The following AOPEP variants were observed in gnomAD, a reference collection of about 807,000 sequenced individuals.
AOPEP encodes aminopeptidase O.
A neutral mutation model predicts 98.1 loss-of-function variants in AOPEP; 77 were observed. The observed-to-expected ratio is 0.78, with a 90% CI of 0.65 to 0.95. AOPEP has a LOEUF of 0.95. Ranked by LOEUF, AOPEP falls within the 40% of genes least tolerant of loss-of-function variation. The pLI is 0.00. For synonymous variants in AOPEP, 346 were observed against 365.3 expected (o/e 0.95, Z 0.60); for missense variants, 1,024 against 1,024.7 (o/e 1.00, Z 0.01).
the AOPEP span, chr9:95,101,214 C>A: frequency 3.9e-6 from 1 of 256,134 alleles, no homozygotes; most frequent in Non-Finnish European, 7.7e-6. Context: ...CCTGACTCCC[C>A]TTGAAGAATT....
the AOPEP span, among the ~76,000 whole-genome samples, chr9:95,123,148 T>A: frequency 6.6e-6 from 1 of 151,184 alleles, no homozygotes; most frequent in Non-Finnish European, 1.5e-5. Flanking sequence ...AAAAAAAATT[T>A]AAAAATTAGC....
At chr9:95,098,157 C>T in the AOPEP span, among the ~76,000 whole-genome samples, 99 of 152,264 alleles carry the variant, frequency 6.5e-4, no homozygotes, top group African/African-American at 1.7e-3. Flanking sequence ...CCAGTGCATC[C>T]GCCGTCCTCT....
intron 5 of AOPEP, chr9:94,904,058 C>G (rs2050799838): frequency 6.6e-6 from 1 of 151,724 alleles, no homozygotes; most frequent in Non-Finnish European, 1.5e-5. Flanking sequence ...CATACCGTAA[C>G]TACTCAATTT....
At chr9:94,968,995 A>G (rs2059374028) in intron 10 of AOPEP, among the ~76,000 whole-genome samples, 3 of 152,196 alleles carry the variant, frequency 2.0e-5, no homozygotes, top group Admixed American at 1.3e-4. Context: ...AATACCAACA[A>G]GAGGACCAAG....
intron 5 of AOPEP, among the ~76,000 whole-genome samples, chr9:94,878,195 G>A (rs2047185574): frequency 6.6e-6 from 1 of 150,824 alleles, no homozygotes. Context: ...AAAAGCACAA[G>A]GCTTTCATAA....
intron 13 of AOPEP, among the ~76,000 whole-genome samples, chr9:95,051,615 A>C (rs1041277088): frequency 1.3e-5 from 2 of 152,106 alleles, no homozygotes; most frequent in African/African-American, 4.8e-5. Flanking sequence ...GTTTGTTATA[A>C]TTAAAGAGGC....
chr9:94,847,174 TC>T (rs1254554065), intron 5 of AOPEP, among the ~76,000 whole-genome samples: 15 of 151,252 alleles, frequency 9.9e-5, no homozygotes, highest in African/African-American at 3.6e-4. Context: ...TCTCTCTCTC[TC>T]TCTCTGTCTC....
chr9:94,934,359 C>T (rs2055917336), intron 7 of AOPEP, among the ~76,000 whole-genome samples: 1 of 142,616 alleles, frequency 7.0e-6, no homozygotes. Context: ...CTCTATTGCC[C>T]AGGCTGGAGT....
At chr9:95,143,620 C>A in the AOPEP span, among the ~76,000 whole-genome samples, 1 of 152,204 alleles carries the variant, frequency 6.6e-6, no homozygotes, top group Non-Finnish European at 1.5e-5. Flanking sequence ...TGCCTTCATT[C>A]TTTTTTTCAC....
In AOPEP at chr9:94,983,865, G is replaced by A. The variant is rs1045723395; in HGVS notation, c.1977+4438G>A. Among the ~76,000 whole-genome samples the A allele has an allele frequency of 1.8e-4, 9 of 51,014 alleles. No individual in the cohort carries two copies. In the Admixed American group the frequency reaches 2.1e-3, roughly 12 times the overall value. 33.5% of individuals were successfully genotyped at this position (51,014 alleles called of 152,430 possible). A position where few individuals can be genotyped will look rare whatever the true frequency, so the allele number is the denominator to read the frequency against. Reference sequence around the variant, plus strand: ...CGTCCCCTCCCCTCCCCCCTCCCCCGGAAACAAGGGTTATGTCTATAAGCC... The same window carrying A: ...CGTCCCCTCCCCTCCCCCCTCCCCCAGAAACAAGGGTTATGTCTATAAGCC... On this transcript the variant is annotated intron_variant, in intron 11 of 16. Transcript: ENST00000375315.
chr9:95,063,347 T>A (rs1422411521), intron 14 of AOPEP, among the ~76,000 whole-genome samples: 2 of 152,236 alleles, frequency 1.3e-5, no homozygotes, highest in African/African-American at 4.8e-5. Flanking sequence ...TGAGGATCCC[T>A]GGACCTTGCC....
intron 1 of AOPEP, among the ~76,000 whole-genome samples, chr9:94,751,820 G>A (rs2132237407): frequency 6.7e-6 from 1 of 149,400 alleles, no homozygotes; most frequent in African/African-American, 2.5e-5. Flanking sequence ...AGGGTATATT[G>A]CATGATGCTG....
At chr9:94,966,676 T>A (rs1253251646) in intron 9 of AOPEP, among the ~76,000 whole-genome samples, 3 of 152,188 alleles carry the variant, frequency 2.0e-5, no homozygotes, top group African/African-American at 7.2e-5. Flanking sequence ...GACACTAGGA[T>A]TACACACTTA....
intron 11 of AOPEP, among the ~76,000 whole-genome samples, chr9:94,997,937 G>A (rs1441510670): frequency 6.6e-6 from 1 of 151,942 alleles, no homozygotes; most frequent in Admixed American, 6.6e-5. Context: ...GGCCTCAAGT[G>A]ATCCTCCCAC....
At chr9:94,940,949 G>A (rs2056948896) in intron 7 of AOPEP, among the ~76,000 whole-genome samples, 1 of 152,036 alleles carries the variant, frequency 6.6e-6, no homozygotes, top group Non-Finnish European at 1.5e-5. Context: ...AGTATAATTG[G>A]CTGGAATGTT....
the AOPEP span, chr9:95,101,892 C>T: frequency 6.2e-7 from 1 of 1,611,998 alleles, no homozygotes; most frequent in African/African-American, 1.3e-5. Context: ...AAACACTTTC[C>T]AGACAGATTT....
chr9:94,763,163 T>C, intron 2 of AOPEP: 1 of 442,368 alleles, frequency 2.3e-6, no homozygotes, highest in Non-Finnish European at 4.7e-6. Context: ...TCTAGATAAA[T>C]CTGTATCTCA....
chr9:95,124,103 CAAAAAAAAAAAAA>C, the AOPEP span, among the ~76,000 whole-genome samples: 3 of 43,550 alleles, frequency 6.9e-5, no homozygotes, highest in South Asian at 3.3e-3. Context: ...AACCTTGTCT[CAAAAAAAAAAAAA>C]AAAAAAAAAA....
the AOPEP span, among the ~76,000 whole-genome samples, chr9:95,144,150 G>T: frequency 2.0e-4 from 31 of 152,238 alleles, no homozygotes; most frequent in South Asian, 6.2e-3. Context: ...GGCTGGGCGC[G>T]GCTGGTAATT....
Sources: allele counts gnomAD v4.1 joint callset (sites outside exome capture counted in the v4.1 genomes callset), GRCh38; gene constraint gnomAD v4.1.1; transcripts MANE v1.5; gene names NCBI Gene and HGNC (gene_info 2026-07-23, HGNC 2026-07-21).